Variants in ZDHHC14 observed in about 807,000 individuals in gnomAD.
ZDHHC14 encodes the protein palmitoyltransferase ZDHHC14.
Under a neutral mutation model 47.7 loss-of-function variants are expected in ZDHHC14, and 16 were observed. The observed-to-expected ratio is 0.34, with a 90% CI of 0.23 to 0.51. The LOEUF is 0.51. ZDHHC14 is among the 20% of genes least tolerant of loss of function. The pLI, the probability that ZDHHC14 is intolerant of heterozygous loss-of-function variation, is 0.97. For synonymous variants in ZDHHC14, 293 were observed against 278.9 expected (o/e 1.05, Z -0.50); for missense variants, 515 against 662.5 (o/e 0.78, Z 2.44).
At chr6:157,608,825 G>A (rs1438438072) in intron 3 of ZDHHC14, among the ~76,000 whole-genome samples, 1 of 152,224 alleles carries the variant, frequency 6.6e-6, no homozygotes, top group Admixed American at 6.5e-5. Flanking sequence ...ACAGAGCCAA[G>A]GAGACGAGAG....
At chr6:157,668,945 C>T (rs190317518) in intron 8 of ZDHHC14, among the ~76,000 whole-genome samples, 1 of 152,262 alleles carries the variant, frequency 6.6e-6, no homozygotes, top group East Asian at 1.9e-4. Context: ...TGGTCTGAAC[C>T]ATGCCATGGG....
intron 1 of ZDHHC14, among the ~76,000 whole-genome samples, chr6:157,428,809 T>C (rs1248157827): frequency 6.6e-6 from 1 of 152,206 alleles, no homozygotes; most frequent in Non-Finnish European, 1.5e-5. Context: ...CTTTGGTTTG[T>C]TCTGAGCAGT....
intron 5 of ZDHHC14, among the ~76,000 whole-genome samples, chr6:157,643,090 TAA>T (rs1777336532): frequency 1.3e-5 from 2 of 152,200 alleles, no homozygotes; most frequent in Non-Finnish European, 1.5e-5. Context: ...CCCTGTGTGT[TAA>T]GAGGGAGTCA....
At chr6:157,569,183 G>A (rs1039056606) in intron 2 of ZDHHC14, among the ~76,000 whole-genome samples, 23 of 151,458 alleles carry the variant, frequency 1.5e-4, no homozygotes, top group African/African-American at 2.9e-4. Flanking sequence ...TTAAAAACCC[G>A]TATGTCCAAA....
At chr6:157,471,973 C>T (rs1779364860) in intron 1 of ZDHHC14, among the ~76,000 whole-genome samples, 1 of 152,190 alleles carries the variant, frequency 6.6e-6, no homozygotes. Context: ...TTAGCATGCA[C>T]GTGGCCAATA....
At chr6:157,626,848 G>A (rs1046342770) in intron 3 of ZDHHC14, among the ~76,000 whole-genome samples, 3 of 146,094 alleles carry the variant, frequency 2.1e-5, no homozygotes, top group African/African-American at 7.5e-5. Context: ...GCCCTCCCCA[G>A]CCCCAGGGAG....
At chr6:157,471,568 G>A (rs944464503) in intron 1 of ZDHHC14, among the ~76,000 whole-genome samples, 2 of 152,222 alleles carry the variant, frequency 1.3e-5, no homozygotes, top group African/African-American at 2.4e-5. Flanking sequence ...TATCACAGGA[G>A]GGAGCTAGCT....
At chr6:157,485,680 A>T (rs1583695501) in intron 1 of ZDHHC14, among the ~76,000 whole-genome samples, 2 of 143,794 alleles carry the variant, frequency 1.4e-5, no homozygotes, top group Admixed American at 6.9e-5. Context: ...CCTATTTCTG[A>T]TTTTTTTTTT....
chr6:157,639,428 C>G (rs1382942636), intron 5 of ZDHHC14, among the ~76,000 whole-genome samples: 1 of 152,180 alleles, frequency 6.6e-6, no homozygotes, highest in East Asian at 1.9e-4. Context: ...CCTCTGCCTC[C>G]CAAGTAACTG....
chr6:157,391,612 T>C (rs996173335), intron 1 of ZDHHC14, among the ~76,000 whole-genome samples: 8 of 152,208 alleles, frequency 5.3e-5, no homozygotes, highest in African/African-American at 1.9e-4. Flanking sequence ...GCCATTAATG[T>C]GGGTTAAAAA....
At chr6:157,607,400 A>G (rs1263643041) in intron 3 of ZDHHC14, among the ~76,000 whole-genome samples, 2 of 152,198 alleles carry the variant, frequency 1.3e-5, no homozygotes, top group African/African-American at 2.4e-5. Context: ...TTTAAAACAA[A>G]CAAACAAACA....
At chr6:157,553,892 G>A (rs764355600) in intron 2 of ZDHHC14, among the ~76,000 whole-genome samples, 15 of 152,248 alleles carry the variant, frequency 9.9e-5, no homozygotes, top group Admixed American at 6.5e-4. Context: ...GAAAGCAGAC[G>A]GAGGTGCCAC....
chr6:157,437,192 C>T (rs1304418620), intron 1 of ZDHHC14, among the ~76,000 whole-genome samples: 1 of 152,190 alleles, frequency 6.6e-6, no homozygotes, highest in African/African-American at 2.4e-5. Flanking sequence ...GCACTGGGGG[C>T]CTTTGCTGGG....
At chr6:157,397,250 C>G (rs1036289348) in intron 1 of ZDHHC14, among the ~76,000 whole-genome samples, 1 of 152,194 alleles carries the variant, frequency 6.6e-6, no homozygotes, top group Non-Finnish European at 1.5e-5. Context: ...TCTCTTCCCT[C>G]AGATTTAGTT....
In ZDHHC14 at chr6:157,667,338, C is replaced by T. The variant is rs146437879; in HGVS notation, c.1069-5386C>T. 8.4e-3 allele frequency among the ~76,000 whole-genome samples: 1,277 copies of T among 152,038 alleles called. 26 individuals carry two copies. The highest frequency in any genetic ancestry group is 0.029 in the African/African-American group (1,207 of 41,458). On this transcript the variant is annotated intron_variant, in intron 8 of 8. Transcript: ENST00000359775. Reference sequence around the variant, plus strand: ...CCACCAAATTGTAAGAGAGAAAAAGCGAGCGGTGATGTCTCCCTCTACTGG... The same window carrying T: ...CCACCAAATTGTAAGAGAGAAAAAGTGAGCGGTGATGTCTCCCTCTACTGG...
intron 1 of ZDHHC14, among the ~76,000 whole-genome samples, chr6:157,491,781 C>T (rs1252813126): frequency 1.3e-5 from 2 of 152,208 alleles, no homozygotes; most frequent in East Asian, 1.9e-4. Context: ...AGCTCTGGCT[C>T]ATAAACTGGC....
At chr6:157,636,446 G>A (rs941321223) in intron 5 of ZDHHC14, among the ~76,000 whole-genome samples, 6 of 152,172 alleles carry the variant, frequency 3.9e-5, no homozygotes, top group African/African-American at 9.6e-5. Flanking sequence ...AAATGCTCGC[G>A]GGATACCCCG....
At chr6:157,656,529 T>C (rs1232396617) in intron 8 of ZDHHC14, among the ~76,000 whole-genome samples, 1 of 151,506 alleles carries the variant, frequency 6.6e-6, no homozygotes, top group Non-Finnish European at 1.5e-5. Flanking sequence ...AGAGAGGGGG[T>C]TTCACCATGT....
At chr6:157,449,749 C>T (rs1434366448) in intron 1 of ZDHHC14, among the ~76,000 whole-genome samples, 2 of 152,194 alleles carry the variant, frequency 1.3e-5, no homozygotes, top group African/African-American at 4.8e-5. Context: ...CAAGTGGAAT[C>T]AAAGGCTGCC....
Sources: allele counts gnomAD v4.1 joint callset (sites outside exome capture counted in the v4.1 genomes callset), GRCh38; gene constraint gnomAD v4.1.1; transcripts MANE v1.5; gene names NCBI Gene and HGNC (gene_info 2026-07-23, HGNC 2026-07-21).